WWOX: variants seen among roughly 807,000 people sequenced by gnomAD.
The protein encoded by WWOX is WW domain-containing oxidoreductase.
Under a neutral mutation model 46.2 loss-of-function variants are expected in WWOX, and 69 were observed. The observed-to-expected ratio is 1.49, with a 90% CI of 1.23 to 1.82. WWOX has a LOEUF of 1.82. Among genes scored for constraint, WWOX ranks in the 40% most tolerant of loss-of-function variants. The pLI is 0.00. For missense variants in WWOX, 919 were observed against 542.6 expected (o/e 1.69, Z -6.89); for synonymous variants, 359 against 202.6 (o/e 1.77, Z -6.56).
At chr16:79,065,502 C>T (rs1252993325) in intron 8 of WWOX, among the ~76,000 whole-genome samples, 6 of 152,070 alleles carry the variant, frequency 3.9e-5, no homozygotes, top group Non-Finnish European at 7.4e-5. Flanking sequence ...AAGTCCCAGG[C>T]CTAGGTGGGG....
chr16:78,596,476 G>T (rs549358965), intron 8 of WWOX, among the ~76,000 whole-genome samples: 1 of 152,036 alleles, frequency 6.6e-6, no homozygotes, highest in African/African-American at 2.4e-5. Context: ...CCCCAGCAGG[G>T]CGTATCAGGG....
chr16:78,679,103 C>G (rs2047670067), intron 8 of WWOX, among the ~76,000 whole-genome samples: 1 of 152,192 alleles, frequency 6.6e-6, no homozygotes, highest in South Asian at 2.1e-4. Context: ...TGCAGTTACT[C>G]TGTGGAGACA....
At chr16:78,526,073 C>G (rs184935813) in intron 8 of WWOX, 3 of 152,310 alleles carry the variant, frequency 2.0e-5, no homozygotes, top group Admixed American at 1.3e-4. Context: ...TTTCGGTGTG[C>G]ATGCTCACAC....
intron 5 of WWOX, among the ~76,000 whole-genome samples, chr16:78,246,400 C>T (rs1567455099): frequency 6.6e-6 from 1 of 152,102 alleles, no homozygotes; most frequent in Non-Finnish European, 1.5e-5. Context: ...TAACACTACC[C>T]TGTTTTTGAA....
At chr16:78,457,402 C>A (rs1309661454) in intron 8 of WWOX, among the ~76,000 whole-genome samples, 2 of 152,172 alleles carry the variant, frequency 1.3e-5, no homozygotes, top group Non-Finnish European at 2.9e-5. Flanking sequence ...GCTGCACCAA[C>A]CAGGTATTGC....
At chr16:78,958,283 A>G (rs2046208632) in intron 8 of WWOX, among the ~76,000 whole-genome samples, 1 of 152,134 alleles carries the variant, frequency 6.6e-6, no homozygotes, top group African/African-American at 2.4e-5. Context: ...AATTTAATCA[A>G]ATAGTGTCAT....
chr16:78,566,797 A>G (rs922143186), intron 8 of WWOX, among the ~76,000 whole-genome samples: 2 of 152,188 alleles, frequency 1.3e-5, no homozygotes, highest in Non-Finnish European at 2.9e-5. Flanking sequence ...ATAGAGTACC[A>G]AGAACATGCT....
At chr16:78,184,260 T>C (rs935286710) in intron 5 of WWOX, among the ~76,000 whole-genome samples, 5 of 152,030 alleles carry the variant, frequency 3.3e-5, no homozygotes, top group Admixed American at 6.6e-5. Flanking sequence ...TTTGAAGTGT[T>C]TGGAGAAGTG....
At chr16:78,619,982 C>T (rs552691198) in intron 8 of WWOX, among the ~76,000 whole-genome samples, 72 of 152,230 alleles carry the variant, frequency 4.7e-4, no homozygotes, top group Non-Finnish European at 9.3e-4. Context: ...GTAGCATGTG[C>T]ACTACTCCTG....
At chr16:79,009,370 A>T (rs2151374732) in intron 8 of WWOX, among the ~76,000 whole-genome samples, 1 of 152,072 alleles carries the variant, frequency 6.6e-6, no homozygotes, top group Middle Eastern at 3.4e-3. Context: ...ATGCTTATGG[A>T]GCTCTAACTG....
At chr16:79,034,808 C>G (rs2047834276) in intron 8 of WWOX, among the ~76,000 whole-genome samples, 1 of 152,084 alleles carries the variant, frequency 6.6e-6, no homozygotes, top group Non-Finnish European at 1.5e-5. Flanking sequence ...TTCATTGTAT[C>G]ACGAAACATA....
chr16:78,880,080 G>C (rs139295839), intron 8 of WWOX, among the ~76,000 whole-genome samples: 4 of 152,132 alleles, frequency 2.6e-5, no homozygotes, highest in Non-Finnish European at 5.9e-5. Flanking sequence ...TGATGATACC[G>C]TATGCAACTT....
At chr16:78,856,414 G>A (rs765619790) in intron 8 of WWOX, among the ~76,000 whole-genome samples, 2 of 152,186 alleles carry the variant, frequency 1.3e-5, no homozygotes, top group East Asian at 3.9e-4. Flanking sequence ...TGGCTGAGGC[G>A]GGTGGATAGC....
intron 8 of WWOX, among the ~76,000 whole-genome samples, chr16:79,092,926 G>C (rs1260326084): frequency 6.6e-6 from 1 of 152,144 alleles, no homozygotes; most frequent in Non-Finnish European, 1.5e-5. Flanking sequence ...ATGGACATGT[G>C]AGTTTTCATC....
intron 8 of WWOX, among the ~76,000 whole-genome samples, chr16:78,499,353 G>A (rs1212211453): frequency 6.6e-6 from 1 of 152,156 alleles, no homozygotes; most frequent in Non-Finnish European, 1.5e-5. Context: ...TTTGGCCCAC[G>A]GGAGACCCCC....
chr16:78,689,108 A>G (rs1297389351), intron 8 of WWOX, among the ~76,000 whole-genome samples: 4 of 152,288 alleles, frequency 2.6e-5, no homozygotes, highest in Admixed American at 2.0e-4. Flanking sequence ...GAACAGACTA[A>G]TACAGTCAGG....
At chr16:78,384,273 G>A (rs562928383) in intron 5 of WWOX, among the ~76,000 whole-genome samples, 18 of 152,218 alleles carry the variant, frequency 1.2e-4, no homozygotes, top group East Asian at 9.7e-4. Context: ...GATTCTGCAC[G>A]TGGCAGTGAG....
chr16:78,578,935 G>C (rs1202792924), intron 8 of WWOX, among the ~76,000 whole-genome samples: 1 of 152,138 alleles, frequency 6.6e-6, no homozygotes, highest in African/African-American at 2.4e-5. Flanking sequence ...GTTGATTGTT[G>C]ATATTACTTA....
intron 4 of WWOX, among the ~76,000 whole-genome samples, chr16:78,163,789 G>T (rs987860066): frequency 6.6e-6 from 1 of 152,142 alleles, no homozygotes; most frequent in African/African-American, 2.4e-5. Flanking sequence ...CACAGGATCT[G>T]GTCATTATTG....
Sources: allele counts gnomAD v4.1 joint callset (sites outside exome capture counted in the v4.1 genomes callset), GRCh38; gene constraint gnomAD v4.1.1; transcripts MANE v1.5; gene names NCBI Gene and HGNC (gene_info 2026-07-23, HGNC 2026-07-21).